The following MAP4 variants were observed in gnomAD, a reference collection of about 807,000 sequenced individuals.
MAP4 encodes the protein microtubule associated protein 4.
In MAP4, 76 loss-of-function variants were observed where a neutral mutation model predicts 170.2. The ratio of observed to expected loss-of-function variants is 0.45; its 90% CI spans 0.37 to 0.54. The LOEUF is 0.54. Among genes scored for constraint, MAP4 ranks in the 20% least tolerant of loss-of-function variants. MAP4 has a pLI of 0.00. For synonymous variants in MAP4, 909 were observed against 994.5 expected, an observed-to-expected ratio of 0.91 and a Z score of 1.62; for missense variants, 2,506 against 2,748.0, an observed-to-expected ratio of 0.91 and a Z score of 1.97.
At chr3:47,927,158 C>A (rs1466746531) in intron 4 of MAP4, among the ~76,000 whole-genome samples, 863 of 105,120 alleles carry the variant, frequency 8.2e-3, no homozygotes, top group Admixed American at 0.011. Context: ...GACTCTGTCT[C>A]AAAAAAAAAA....
At chr3:48,003,453 CAA>C (rs201694525) in intron 1 of MAP4, among the ~76,000 whole-genome samples, 8,208 of 111,644 alleles carry the variant, frequency 0.074, 194 homozygotes, top group Non-Finnish European at 0.1. Context: ...GACTCCTTCT[CAA>C]AAAAAAAAAA....
At chr3:47,944,972 A>G (rs2100058847) in intron 3 of MAP4, among the ~76,000 whole-genome samples, 1 of 144,200 alleles carries the variant, frequency 6.9e-6, no homozygotes, top group African/African-American at 2.6e-5. Flanking sequence ...TTTTTGAGAT[A>G]CATGCTAATA....
chr3:48,015,025 G>A (rs1013903763), intron 1 of MAP4, among the ~76,000 whole-genome samples: 1 of 151,892 alleles, frequency 6.6e-6, no homozygotes, highest in Non-Finnish European at 1.5e-5. Context: ...AGGCCCAGGA[G>A]CCCTAGGAGG....
rs945637962 is a variant in MAP4, at chr3:47,910,407, T to A, written c.4014A>T (p.Ser1338=). The A allele has an allele frequency of 2.6e-6, 4 of 1,536,628 alleles. No individual in the cohort carries two copies. Among genetic ancestry groups the A allele is most frequent in the Non-Finnish European group, 3.5e-6 (4 of 1,146,918 alleles). ...CTGTCTTATTCTCCTCAGATACTAC[T>A]GAAGGAACAAATCCTGCCCCCTGGA... ...EQIQGAGFVP[S]VVSEENKTDA... The change falls in exon 9 of 21, where the codon TCA becomes TCT. Residue 1338 remains serine (S), a synonymous_variant. Coordinates refer to ENST00000683076, the MANE Select transcript of MAP4 (RefSeq NM_001385682.1).
intron 1 of MAP4, among the ~76,000 whole-genome samples, chr3:48,049,153 A>G (rs2100126187): frequency 6.6e-6 from 1 of 152,170 alleles, no homozygotes; most frequent in Admixed American, 6.6e-5. Flanking sequence ...TGGATGTCAT[A>G]TGTTTTGCTT....
chr3:48,035,737 C>T (rs559619464), intron 1 of MAP4, among the ~76,000 whole-genome samples: 1 of 152,148 alleles, frequency 6.6e-6, no homozygotes, highest in South Asian at 2.1e-4. Context: ...GTCAGGAGTT[C>T]GAGATCAGCC....
intron 1 of MAP4, among the ~76,000 whole-genome samples, chr3:48,056,623 T>G (rs1244226213): frequency 1.9e-5 from 2 of 104,224 alleles, no homozygotes; most frequent in Admixed American, 9.0e-5. Context: ...GGTGGGGGGG[T>G]CAGCCCCCCG....
chr3:47,981,367 C>A (rs1413097204), intron 2 of MAP4, among the ~76,000 whole-genome samples: 1 of 151,772 alleles, frequency 6.6e-6, no homozygotes, highest in Non-Finnish European at 1.5e-5. Flanking sequence ...CCAGCCTGGG[C>A]AACATAGTGT....
upstream of MAP4, among the ~76,000 whole-genome samples, chr3:48,019,767 T>C (rs1238479393): frequency 6.6e-6 from 1 of 152,110 alleles, no homozygotes; most frequent in African/African-American, 2.4e-5. Flanking sequence ...GTCCCAGCTC[T>C]TGGGAGGCTG....
intron 1 of MAP4, among the ~76,000 whole-genome samples, chr3:48,043,191 C>A (rs1486923715): frequency 1.3e-5 from 2 of 152,326 alleles, no homozygotes; most frequent in East Asian, 1.9e-4. Context: ...ACCTCCGCCT[C>A]CTGAGTTCAA....
chr3:47,925,882 G>C (rs1034231243), intron 4 of MAP4, among the ~76,000 whole-genome samples: 1 of 152,186 alleles, frequency 6.6e-6, no homozygotes, highest in Non-Finnish European at 1.5e-5. Flanking sequence ...TGGAGACAGA[G>C]TTTCGCTCGT....
At chr3:48,034,105 A>C (rs761031886) in intron 1 of MAP4, among the ~76,000 whole-genome samples, 1 of 152,140 alleles carries the variant, frequency 6.6e-6, no homozygotes, top group Admixed American at 6.6e-5. Context: ...CTTTTTCTAC[A>C]TATCAGTAGT....
chr3:47,917,905 T>G (rs2100040637), intron 6 of MAP4, among the ~76,000 whole-genome samples: 1 of 152,174 alleles, frequency 6.6e-6, no homozygotes. Context: ...TGGAGTGCAG[T>G]AGCATGATCT....
intron 2 of MAP4, among the ~76,000 whole-genome samples, chr3:47,982,386 G>A (rs1390837866): frequency 6.6e-6 from 1 of 152,036 alleles, no homozygotes; most frequent in Admixed American, 6.5e-5. Flanking sequence ...AAAGTTCAAG[G>A]ACTCAAAAGA....
chr3:47,974,488 G>A (rs1244061800), intron 3 of MAP4: 2 of 983,998 alleles, frequency 2.0e-6, no homozygotes, highest in Non-Finnish European at 2.4e-6. Flanking sequence ...TTTCTTTTAA[G>A]CTGAAATAAT....
intron 1 of MAP4, among the ~76,000 whole-genome samples, chr3:48,055,035 C>CT (rs1360731601): frequency 6.6e-6 from 1 of 152,166 alleles, no homozygotes; most frequent in East Asian, 1.9e-4. Flanking sequence ...CTCAATACCC[C>CT]TTCCAAGGTG....
intron 1 of MAP4, among the ~76,000 whole-genome samples, chr3:48,045,984 C>G (rs1005963455): frequency 7.6e-6 from 1 of 130,848 alleles, no homozygotes; most frequent in African/African-American, 2.8e-5. Context: ...TGCATCACTT[C>G]TTTTTTTTTT....
chr3:48,051,943 G>C (rs1056840062), intron 1 of MAP4, among the ~76,000 whole-genome samples: 1 of 152,206 alleles, frequency 6.6e-6, no homozygotes, highest in African/African-American at 2.4e-5. Context: ...CTCTCTTCCA[G>C]AGTTTCTTAA....
At chr3:47,948,277 A>C in intron 3 of MAP4, among the ~76,000 whole-genome samples, 1 of 144,948 alleles carries the variant, frequency 6.9e-6, no homozygotes, top group Non-Finnish European at 1.5e-5. Flanking sequence ...TCTGTTGCCC[A>C]GGATGGAGTG....
Sources: gnomAD v4.1 joint callset for allele counts (sites outside exome capture counted in the v4.1 genomes callset) on GRCh38, gnomAD v4.1.1 for gene constraint, MANE v1.5 for transcripts, NCBI Gene and HGNC (gene_info 2026-07-23, HGNC 2026-07-21) for gene names.